PEX14: variants seen among roughly 807,000 people sequenced by gnomAD.
PEX14 encodes the protein peroxisomal biogenesis factor 14, also known as peroxisomal membrane protein PEX14.
Under a neutral mutation model 49.5 loss-of-function variants are expected in PEX14, and 15 were observed. That is an observed-to-expected ratio of 0.30 (90% CI 0.20 to 0.47). PEX14 has a LOEUF of 0.47. Ranked by LOEUF, PEX14 falls within the 20% of genes least tolerant of loss-of-function variation. The pLI is 1.00. For synonymous variants in PEX14, 210 were observed against 212.7 expected, an observed-to-expected ratio of 0.99 and a Z score of 0.11; for missense variants, 398 against 494.8, an observed-to-expected ratio of 0.80 and a Z score of 1.86.
chr1:10,624,045 G>A (rs929742699), intron 6 of PEX14, among the ~76,000 whole-genome samples: 1 of 152,222 alleles, frequency 6.6e-6, no homozygotes, highest in Non-Finnish European at 1.5e-5. Context: ...GAGAAGCCGG[G>A]AGAGCTCAGC....
At chr1:10,485,198 G>A (rs1260554938) in intron 1 of PEX14, among the ~76,000 whole-genome samples, 1 of 151,480 alleles carries the variant, frequency 6.6e-6, no homozygotes, top group Non-Finnish European at 1.5e-5. Context: ...GGAATGGTAG[G>A]CTTATGTAGT....
intron 2 of PEX14, among the ~76,000 whole-genome samples, chr1:10,524,018 T>G (rs1482187681): frequency 6.6e-6 from 1 of 152,190 alleles, no homozygotes; most frequent in African/African-American, 2.4e-5. Flanking sequence ...TGGTATCATT[T>G]TTTTATTTGA....
rs771862572 is a variant in PEX14, at chr1:10,629,687, G to A, written c.834G>A (p.Lys278=). Residue 278 remains lysine, a synonymous_variant, in exon 9 of 9, where the codon AAG becomes AAA. Transcript: ENST00000356607. This position sits in a 1 kb window ranked among gnomAD's most constrained non-coding sequence, Gnocchi z 8.5. The part of the protein sequence containing the change: ...SNESTSSSPG[K]EGHSPEGSTV... ...AGTCCACGTCGTCCTCGCCTGGGAA[G>A]GAGGGCCACAGCCCCGAGGGCTCCA... 3.1e-6 allele frequency: 5 copies of A among 1,613,290 alleles called. No individual in the cohort carries two copies. The highest frequency in any genetic ancestry group is 4.2e-6 in the Non-Finnish European group (5 of 1,179,720).
At chr1:10,501,631 T>C (rs1437962530) in intron 2 of PEX14, among the ~76,000 whole-genome samples, 5 of 151,996 alleles carry the variant, frequency 3.3e-5, no homozygotes, top group Non-Finnish European at 7.4e-5. Flanking sequence ...AAGCAAATCA[T>C]TGGCTGAGCG....
At chr1:10,484,289 C>T (rs1236118019) in intron 1 of PEX14, among the ~76,000 whole-genome samples, 2 of 151,598 alleles carry the variant, frequency 1.3e-5, no homozygotes, top group African/African-American at 2.4e-5. Flanking sequence ...TTGCCCACCT[C>T]GGCCTCCCAA....
intron 1 of PEX14, among the ~76,000 whole-genome samples, chr1:10,483,431 C>T (rs911257520): frequency 6.6e-6 from 1 of 152,172 alleles, no homozygotes; most frequent in Non-Finnish European, 1.5e-5. Context: ...ATTCTCCCCC[C>T]TCAGCCTCCG....
At chr1:10,567,034 C>T (rs1291650873) in intron 3 of PEX14, among the ~76,000 whole-genome samples, 1 of 152,148 alleles carries the variant, frequency 6.6e-6, no homozygotes, top group Non-Finnish European at 1.5e-5. Context: ...CTACTCATCG[C>T]CACTGTGGTA....
intron 8 of PEX14, among the ~76,000 whole-genome samples, chr1:10,627,916 T>A (rs1183043776): frequency 6.6e-6 from 1 of 152,206 alleles, no homozygotes; most frequent in Non-Finnish European, 1.5e-5. Context: ...TGCCTGGGAC[T>A]GTCCTGGTTT....
chr1:10,532,831 T>C (rs1471631668), intron 2 of PEX14, among the ~76,000 whole-genome samples: 1 of 152,190 alleles, frequency 6.6e-6, no homozygotes, highest in Non-Finnish European at 1.5e-5. Flanking sequence ...GTGTTGGGCC[T>C]CTGCAGAGGA....
chr1:10,544,802 C>T (rs1264103187), intron 3 of PEX14, among the ~76,000 whole-genome samples: 1 of 151,966 alleles, frequency 6.6e-6, no homozygotes, highest in Non-Finnish European at 1.5e-5. Context: ...TACTCTGTCA[C>T]CTAGGCTGGA....
chr1:10,520,454 G>A (rs763422585), intron 2 of PEX14, among the ~76,000 whole-genome samples: 35 of 151,984 alleles, frequency 2.3e-4, no homozygotes, highest in Non-Finnish European at 3.7e-4. Context: ...CACCATGGCC[G>A]GCCCTGAAAA....
intron 3 of PEX14, among the ~76,000 whole-genome samples, chr1:10,542,676 G>A (rs1226304709): frequency 6.6e-6 from 1 of 152,138 alleles, no homozygotes; most frequent in East Asian, 1.9e-4. Context: ...CAGGAGAATC[G>A]CTTTAACCCG....
chr1:10,475,083 AGG>A (rs1387438568), intron 1 of PEX14, 81 bp downstream of exon 1: 1 of 1,355,182 alleles, frequency 7.4e-7, no homozygotes, highest in African/African-American at 1.4e-5. Flanking sequence ...GGAGCCGGGT[AGG>A]GACCCCGAGT....
intron 5 of PEX14, among the ~76,000 whole-genome samples, chr1:10,620,366 C>T (rs1440839644): frequency 6.6e-6 from 1 of 151,824 alleles, no homozygotes; most frequent in African/African-American, 2.4e-5. Context: ...CCTGTAGTCC[C>T]AGCTATACTC....
At chr1:10,624,635 G>C (rs1174196383) in intron 7 of PEX14, among the ~76,000 whole-genome samples, 198 bp downstream of exon 7, 1 of 152,178 alleles carries the variant, frequency 6.6e-6, no homozygotes, top group South Asian at 2.1e-4. Context: ...TCAGTGTGAC[G>C]TTTAACTGTC....
intron 2 of PEX14, among the ~76,000 whole-genome samples, chr1:10,523,287 G>A (rs896200522): frequency 9.9e-5 from 15 of 152,152 alleles, no homozygotes; most frequent in Admixed American, 1.3e-4. Context: ...GCTTCGCAGC[G>A]TATAAAATAT....
At chr1:10,611,863 G>A (rs1641285899) in intron 4 of PEX14, among the ~76,000 whole-genome samples, 1 of 152,134 alleles carries the variant, frequency 6.6e-6, no homozygotes. Flanking sequence ...AATTGTCAGA[G>A]CTCTTTATGT....
intron 3 of PEX14, among the ~76,000 whole-genome samples, chr1:10,594,760 G>A (rs1368014453): frequency 1.3e-5 from 2 of 152,152 alleles, no homozygotes; most frequent in South Asian, 4.1e-4. Flanking sequence ...GCAGAGAAAA[G>A]ACAGCCCTTC....
In PEX14 at chr1:10,576,109, C is replaced by G. The variant is rs569643072; in HGVS notation, c.170-23129C>G. Among the ~76,000 whole-genome samples the G allele has an allele frequency of 2.0e-5, 3 of 152,080 alleles. No individual in the cohort carries two copies. In the South Asian group the frequency reaches 6.2e-4, roughly 32 times the overall value. On this transcript the variant is annotated intron_variant, in intron 3 of 8. Transcript: ENST00000356607. ...GCTTTACTTATTGATTTTTAAATACCCTTTATATATTAAGAATATTAGTTC... is the reference window on the plus strand; with the variant it reads ...GCTTTACTTATTGATTTTTAAATACGCTTTATATATTAAGAATATTAGTTC...
Sources: allele counts gnomAD v4.1 joint callset (sites outside exome capture counted in the v4.1 genomes callset), GRCh38; gene constraint gnomAD v4.1.1; non-coding constraint Gnocchi (gnomAD v3.1); transcripts MANE v1.5; gene names NCBI Gene and HGNC (gene_info 2026-07-23, HGNC 2026-07-21).